Variants in RIPOR2 observed in about 807,000 individuals in gnomAD.
RIPOR2 encodes rho family-interacting cell polarization regulator 2.
In RIPOR2, 39 loss-of-function variants were observed where a neutral mutation model predicts 114.5. The observed-to-expected ratio is 0.34, with a 90% confidence interval of 0.26 to 0.44. The LOEUF (loss-of-function observed/expected upper bound fraction) is 0.44, where lower values mean the gene tolerates loss of function less well. Ranked by LOEUF, RIPOR2 falls within the 20% of genes least tolerant of loss-of-function variation. The pLI, the probability that RIPOR2 is intolerant of heterozygous loss-of-function variation, is 1.00. For synonymous variants in RIPOR2, 445 were observed against 484.4 expected (o/e 0.92, Z 1.07); for missense variants, 1,007 against 1,255.1 (o/e 0.80, Z 2.99).
At chr6:24,982,738 C>T (rs879387199) in intron 1 of RIPOR2, among the ~76,000 whole-genome samples, 2 of 152,090 alleles carry the variant, frequency 1.3e-5, no homozygotes, top group African/African-American at 4.8e-5. Context: ...CCACTAAAAA[C>T]GATCTAATAT....
intron 19 of RIPOR2, among the ~76,000 whole-genome samples, chr6:24,824,579 C>G (rs931645699): frequency 1.3e-5 from 2 of 152,190 alleles, no homozygotes; most frequent in African/African-American, 4.8e-5. Context: ...ACTACAGATT[C>G]CTGTTCCATC....
Position 24,875,733 on chromosome 6 carries a change from T to C in RIPOR2, c.146A>G (p.Gln49Arg). ...PGGPNGIIRS[Q>R]SFAGFSGLQE... ...GAGGCCGCTGAAACCCGCAAAGGAC[T>C]GGCTTCTAATGATCCCATTGGGCCC... Residue 49 changes from glutamine to arginine, a missense_variant, in exon 2 of 22, where the codon CAG becomes CGG. By Grantham distance (43) the Gln-to-Arg change is conservative (BLOSUM62 1). Transcript: ENST00000643898. 6.2e-7 allele frequency: 1 copy of C among 1,613,702 alleles called. No homozygotes were observed. Among genetic ancestry groups the C allele is most frequent in the Non-Finnish European group, 8.5e-7 (1 of 1,179,788 alleles).
intron 1 of RIPOR2, among the ~76,000 whole-genome samples, chr6:25,039,497 G>A (rs1345732791): frequency 1.3e-5 from 2 of 152,180 alleles, no homozygotes; most frequent in Admixed American, 6.5e-5. Flanking sequence ...TTAATGTTGA[G>A]CTTACATTCA....
chr6:24,910,961 A>G, intron 1 of RIPOR2: 1 of 985,108 alleles, frequency 1.0e-6, no homozygotes, highest in Non-Finnish European at 1.2e-6. Context: ...GGTGAAGGGG[A>G]CCCCGGGAGG....
At chr6:24,919,957 GTGTTGTTACTATGT>G (rs1561774958) in intron 1 of RIPOR2, among the ~76,000 whole-genome samples, 2 of 152,314 alleles carry the variant, frequency 1.3e-5, no homozygotes, top group African/African-American at 4.8e-5. Context: ...AGAGTTATTG[GTGTTGTTACTATGT>G]TATTTTAATG....
intron 1 of RIPOR2, among the ~76,000 whole-genome samples, chr6:24,974,159 G>T (rs1246880917): frequency 6.6e-6 from 1 of 152,166 alleles, no homozygotes. Context: ...AGAGGTGGGA[G>T]GACTGTTTGA....
In RIPOR2 at chr6:24,809,738, A is replaced by C. The variant is rs930774934; in HGVS notation, c.3022T>G (p.Ser1008Ala). 1.2e-5 allele frequency: 18 copies of C among 1,549,594 alleles called. No homozygotes were observed. The African/African-American group carries it at 2.1e-4, about 18-fold the overall frequency. Reference protein sequence around the residue: ...SDTEEIRNVASETLLSLGEDG... With the variant: ...SDTEEIRNVAAETLLSLGEDG... ...TCACCCAGAGACAAGAGGGTTTCTG[A>C]GGCCACATTTCTGATTTCTTCAGTA... is the stretch of plus-strand genomic sequence containing the variant. The change falls in exon 21 of 22, where the codon TCA (serine) becomes GCA (alanine). Residue 1008 changes from serine (S) to alanine (A), a missense_variant. By Grantham distance (99) the Ser-to-Ala change is moderately conservative (BLOSUM62 1). Coordinates refer to ENST00000643898, the MANE Select transcript of RIPOR2 (RefSeq NM_001286445.3).
chr6:24,954,999 G>A (rs1772964464), intron 1 of RIPOR2, among the ~76,000 whole-genome samples: 1 of 152,166 alleles, frequency 6.6e-6, no homozygotes, highest in Non-Finnish European at 1.5e-5. Context: ...TATATATCCT[G>A]ATTTGTAGAA....
intron 1 of RIPOR2, among the ~76,000 whole-genome samples, chr6:24,898,851 A>AACATAAG (rs1562328333): frequency 6.6e-6 from 1 of 151,940 alleles, no homozygotes; most frequent in African/African-American, 2.4e-5. Flanking sequence ...GTCATAACAA[A>AACATAAG]AACATATTTA....
intron 9 of RIPOR2, among the ~76,000 whole-genome samples, chr6:24,851,003 C>T (rs1762844234): frequency 6.6e-6 from 1 of 151,598 alleles, no homozygotes; most frequent in South Asian, 2.1e-4. Context: ...TCAAGCGATT[C>T]CCCTGCCTCA....
chr6:24,909,348 G>A (rs1470197075), intron 1 of RIPOR2, among the ~76,000 whole-genome samples: 3 of 152,152 alleles, frequency 2.0e-5, no homozygotes, highest in African/African-American at 2.4e-5. Context: ...GCTGGTTCTC[G>A]GAGAGTTCGT....
intron 1 of RIPOR2, chr6:25,023,523 C>T (rs938697105): frequency 3.4e-5 from 26 of 772,492 alleles, no homozygotes; most frequent in Middle Eastern, 3.6e-4. Flanking sequence ...TGCCAGAAAG[C>T]GGTGTACACC....
At chr6:25,013,387 A>G in intron 1 of RIPOR2, among the ~76,000 whole-genome samples, 1 of 152,074 alleles carries the variant, frequency 6.6e-6, no homozygotes. Flanking sequence ...AGTGTAGGGC[A>G]GGGGGAATGA....
intron 1 of RIPOR2, among the ~76,000 whole-genome samples, chr6:25,003,350 G>A (rs994689883): frequency 1.3e-5 from 2 of 151,218 alleles, no homozygotes; most frequent in Non-Finnish European, 2.9e-5. Flanking sequence ...TTTGAAAGAG[G>A]TCTACATGAA....
chr6:24,946,361 C>CTG (rs1772407865), intron 1 of RIPOR2, among the ~76,000 whole-genome samples: 1 of 152,076 alleles, frequency 6.6e-6, no homozygotes, highest in Non-Finnish European at 1.5e-5. Flanking sequence ...AGGTGTGAGC[C>CTG]ATCGCACCCT....
At chr6:24,983,914 G>C (rs1463875255) in intron 1 of RIPOR2, among the ~76,000 whole-genome samples, 1 of 152,068 alleles carries the variant, frequency 6.6e-6, no homozygotes, top group African/African-American at 2.4e-5. Context: ...TATTACGTGG[G>C]ACTTCAGAGA....
intron 1 of RIPOR2, among the ~76,000 whole-genome samples, chr6:24,958,978 G>GTCTCACC (rs2114217329): frequency 2.2e-5 from 1 of 45,980 alleles, no homozygotes; most frequent in South Asian, 5.4e-4. Flanking sequence ...TGGAGACAGG[G>GTCTCACC]TCTCACCCTG....
intron 1 of RIPOR2, among the ~76,000 whole-genome samples, chr6:24,959,787 A>G (rs777217299): frequency 6.6e-6 from 1 of 151,798 alleles, no homozygotes; most frequent in Non-Finnish European, 1.5e-5. Flanking sequence ...CACACACTAA[A>G]CTGTATTGGG....
intron 1 of RIPOR2, among the ~76,000 whole-genome samples, chr6:24,905,077 T>C (rs951946300): frequency 6.6e-6 from 1 of 152,090 alleles, no homozygotes; most frequent in Non-Finnish European, 1.5e-5. Flanking sequence ...GCCCGGCCAG[T>C]GTATAGCTTC....
Sources: allele counts gnomAD v4.1 joint callset (sites outside exome capture counted in the v4.1 genomes callset), GRCh38; gene constraint gnomAD v4.1.1; transcripts MANE v1.5; gene names NCBI Gene and HGNC (gene_info 2026-07-23, HGNC 2026-07-21).